PRKAG2: variants seen among roughly 807,000 people sequenced by gnomAD.
PRKAG2 encodes the protein 5'-AMP-activated protein kinase subunit gamma-2.
Under a neutral mutation model 69.6 loss-of-function variants are expected in PRKAG2, and 26 were observed. The ratio of observed to expected loss-of-function variants is 0.37; its 90% CI spans 0.27 to 0.52. The LOEUF is 0.52. Among genes scored for constraint, PRKAG2 ranks in the 20% least tolerant of loss-of-function variants. The pLI, the probability that PRKAG2 is intolerant of heterozygous loss-of-function variation, is 0.90. For synonymous variants in PRKAG2, 293 were observed against 285.0 expected (o/e 1.03, Z -0.28); for missense variants, 557 against 740.0 (o/e 0.75, Z 2.87).
At chr7:151,659,762 G>C (rs375445384) in intron 4 of PRKAG2, among the ~76,000 whole-genome samples, 9 of 152,230 alleles carry the variant, frequency 5.9e-5, no homozygotes, top group African/African-American at 2.2e-4. Context: ...GCTTTAGTTT[G>C]AAGATAATGT....
intron 3 of PRKAG2, among the ~76,000 whole-genome samples, chr7:151,737,358 G>A (rs28563985): frequency 0.68 from 100,512 of 148,232 alleles, 34,848 homozygotes; most frequent in East Asian, 0.91. Context: ...AAAAAAAAAA[G>A]AGAGATTTAG....
chr7:151,716,371 C>T (rs1334744250), intron 3 of PRKAG2, among the ~76,000 whole-genome samples: 1 of 152,148 alleles, frequency 6.6e-6, no homozygotes, highest in Non-Finnish European at 1.5e-5. Flanking sequence ...GTTCAAGCCC[C>T]CTTTGTGACC....
chr7:151,567,995 C>T lies in PRKAG2; in HGVS notation c.1233+721G>A, dbSNP rs575528833. Among the ~76,000 whole-genome samples, 5 of 152,306 alleles carry T rather than the reference C, an allele frequency of 3.3e-5. No individual in the cohort carries two copies. The East Asian group carries it at 5.8e-4, about 18-fold the overall frequency. On this transcript the variant is annotated intron_variant, in intron 11 of 15. Transcript: ENST00000287878. This position sits in a 1 kb window ranked among gnomAD's most constrained non-coding sequence, Gnocchi z 4.2. ...AACTCTTCAAAGTACCTCTTCAGAA[C>T]GATTAAGACCTTCTACTGGTTCTAT...
chr7:151,778,985 T>C (rs1321611565), intron 3 of PRKAG2, among the ~76,000 whole-genome samples: 1 of 151,536 alleles, frequency 6.6e-6, no homozygotes, highest in East Asian at 1.9e-4. Context: ...CACACACCCA[T>C]ATATGCTGTG....
At chr7:151,813,657 TC>T (rs1490170031) in intron 1 of PRKAG2, among the ~76,000 whole-genome samples, 1 of 151,980 alleles carries the variant, frequency 6.6e-6, no homozygotes, top group East Asian at 1.9e-4. Flanking sequence ...GTTCTCAGCC[TC>T]CCCCTCCTCC....
At chr7:151,775,528 C>G (rs75455751) in intron 3 of PRKAG2, among the ~76,000 whole-genome samples, 2 of 151,960 alleles carry the variant, frequency 1.3e-5, no homozygotes, top group African/African-American at 4.8e-5. Context: ...AAAAAGTGGT[C>G]GTGTGAATAT....
intron 3 of PRKAG2, among the ~76,000 whole-genome samples, chr7:151,695,371 G>A (rs1836432787): frequency 6.6e-6 from 1 of 152,168 alleles, no homozygotes; most frequent in Non-Finnish European, 1.5e-5. Context: ...CTTCCTGCAG[G>A]GGGAGAAGGC....
chr7:151,588,914 G>A (rs1449401748), intron 6 of PRKAG2, among the ~76,000 whole-genome samples: 1 of 152,196 alleles, frequency 6.6e-6, no homozygotes, highest in Non-Finnish European at 1.5e-5. Flanking sequence ...GGGCTTATCT[G>A]GAAGGGAAGG....
Position 151,780,603 on chromosome 7 carries a change from A to C in PRKAG2, c.466+549T>G, listed in dbSNP as rs1324653815. Among the ~76,000 whole-genome samples the C allele has an allele frequency of 6.6e-6, 1 of 152,154 alleles. No individual in the cohort carries two copies. The highest frequency in any genetic ancestry group is 1.5e-5 in the Non-Finnish European group (1 of 68,024). On this transcript the variant is annotated intron_variant, in intron 3 of 15. Coordinates refer to ENST00000287878, the MANE Select transcript of PRKAG2 (RefSeq NM_016203.4). This position sits in a 1 kb window ranked among gnomAD's most constrained non-coding sequence, Gnocchi z 4.2. ...CTACGGAACTCTTTCTTAAACACTC[A>C]CATTTCCTCCTTCCATTTCCCCAGC...
rs1225870913 is a variant in PRKAG2 at position 151,594,207 on chromosome 7, C to T, written c.864+1138G>A. On this transcript the variant is annotated intron_variant, in intron 6 of 15. Transcript: ENST00000287878. ...CAGGGCCCTTGCTGGGTGTCTTCCC[C>T]TGCCCTGCTCTTCCTCTGATCCCTT... Among the ~76,000 whole-genome samples the T allele has an allele frequency of 2.0e-5, 3 of 152,224 alleles. No individual in the cohort carries two copies. The East Asian group carries it at 5.8e-4, about 29-fold the overall frequency.
In PRKAG2 at chr7:151,861,252, C is replaced by T. The variant is rs373335333; in HGVS notation, c.114+15255G>A. Among the ~76,000 whole-genome samples, 8 of 152,272 alleles carry T rather than the reference C, an allele frequency of 5.3e-5. No homozygotes were observed. In the South Asian group the frequency reaches 6.2e-4, roughly 12 times the overall value. On this transcript the variant is annotated intron_variant, in intron 1 of 15. Transcript: ENST00000287878. ...TACAATCAAAGAATCACCTGCAGGACGGGCATGGTAGCTCATGCCTGTAAT... is the reference window on the plus strand; with the variant it reads ...TACAATCAAAGAATCACCTGCAGGATGGGCATGGTAGCTCATGCCTGTAAT...
chr7:151,707,769 A>G (rs1838872045), intron 3 of PRKAG2, among the ~76,000 whole-genome samples: 1 of 152,212 alleles, frequency 6.6e-6, no homozygotes, highest in South Asian at 2.1e-4. Flanking sequence ...TAAACCGGCC[A>G]GCCAGGGAGC....
In PRKAG2 at chr7:151,658,223, C is replaced by T. The variant is rs6966195; in HGVS notation, c.684+17197G>A. Among the ~76,000 whole-genome samples the T allele has an allele frequency of 2.4e-3, 364 of 149,844 alleles. 3 individuals are homozygous for T. Among genetic ancestry groups the T allele is most frequent in the African/African-American group, 8.7e-3 (355 of 40,788 alleles). ...AATAATAGGGCTGGGTGCAGTGGCT[C>T]ATGCATGTAATCCCAGCACTTTGGG... On this transcript the variant is annotated intron_variant, in intron 4 of 15. Coordinates refer to ENST00000287878, the MANE Select transcript of PRKAG2 (RefSeq NM_016203.4).
At chr7:151,606,768 C>T (rs996356172) in intron 5 of PRKAG2, among the ~76,000 whole-genome samples, 13 of 151,946 alleles carry the variant, frequency 8.6e-5, no homozygotes, top group African/African-American at 3.1e-4. Context: ...TGCAGTGAGC[C>T]GAGATCCTAC....
At chr7:151,865,860 A>T (rs954529676) in intron 1 of PRKAG2, among the ~76,000 whole-genome samples, 4 of 152,082 alleles carry the variant, frequency 2.6e-5, no homozygotes, top group African/African-American at 9.7e-5. Flanking sequence ...TCTATTAAAA[A>T]ATACAAAAAA....
intron 1 of PRKAG2, among the ~76,000 whole-genome samples, chr7:151,825,232 A>G (rs1294407249): frequency 6.6e-6 from 1 of 152,138 alleles, no homozygotes; most frequent in African/African-American, 2.4e-5. Flanking sequence ...ACAGAAGGTC[A>G]TTTGTTGGCT....
chr7:151,793,334 C>T (rs191336506), intron 1 of PRKAG2, among the ~76,000 whole-genome samples: 14 of 152,326 alleles, frequency 9.2e-5, no homozygotes, highest in African/African-American at 3.1e-4. Context: ...CTAGGTGAGA[C>T]GGCCAGGACC....
intron 5 of PRKAG2, among the ~76,000 whole-genome samples, chr7:151,596,351 A>AAT (rs1814523807): frequency 6.6e-6 from 1 of 152,226 alleles, no homozygotes; most frequent in South Asian, 2.1e-4. Flanking sequence ...GAAATAATAA[A>AAT]AGAATCCCAT....
In PRKAG2 at chr7:151,845,303, C is replaced by A. The variant is rs75065089; in HGVS notation, c.114+31204G>T. Among the ~76,000 whole-genome samples the A allele has an allele frequency of 5.7e-3, 869 of 152,296 alleles. 4 individuals are homozygous for A. The highest frequency in any genetic ancestry group is 0.024 in the Middle Eastern group (7 of 294). ...ATGAATCTTGGGCTAATGAGCTGATCAGAACCTTGAGCTGCAAGAGGGCTC... is the reference window on the plus strand; with the variant it reads ...ATGAATCTTGGGCTAATGAGCTGATAAGAACCTTGAGCTGCAAGAGGGCTC... On this transcript the variant is annotated intron_variant, in intron 1 of 15. Coordinates refer to ENST00000287878, the MANE Select transcript of PRKAG2 (RefSeq NM_016203.4).
Sources: gnomAD v4.1 joint callset for allele counts (sites outside exome capture counted in the v4.1 genomes callset) on GRCh38, gnomAD v4.1.1 for gene constraint, Gnocchi (gnomAD v3.1) non-coding constraint, MANE v1.5 for transcripts, NCBI Gene and HGNC (gene_info 2026-07-23, HGNC 2026-07-21) for gene names.